Variants in GJB7 observed in about 807,000 individuals in gnomAD.
GJB7 encodes gap junction protein beta 7.
For synonymous variants in GJB7, 87 were observed against 95.2 expected (o/e 0.91, Z 0.50); for missense variants, 253 against 256.8 (o/e 0.99, Z 0.10).
intron 2 of GJB7, among the ~76,000 whole-genome samples, chr6:87,294,508 C>A (rs1776222077): frequency 6.6e-6 from 1 of 152,346 alleles, no homozygotes; most frequent in Non-Finnish European, 1.5e-5. Flanking sequence ...GAGGTATAAG[C>A]ACTATTATGC....
intron 2 of GJB7, among the ~76,000 whole-genome samples, chr6:87,319,053 C>T (rs951093135): frequency 2.6e-5 from 4 of 152,118 alleles, no homozygotes; most frequent in African/African-American, 9.7e-5. Flanking sequence ...ACTTTGGGAA[C>T]CCCAGATTAA....
intron 2 of GJB7, among the ~76,000 whole-genome samples, chr6:87,296,978 A>G (rs936887086): frequency 2.0e-5 from 3 of 152,236 alleles, no homozygotes; most frequent in Non-Finnish European, 4.4e-5. Context: ...GGCCCCTGTC[A>G]GGCCCTGGGA....
chr6:87,303,323 T>C (rs984654085), intron 2 of GJB7, among the ~76,000 whole-genome samples: 1 of 151,956 alleles, frequency 6.6e-6, no homozygotes, highest in Non-Finnish European at 1.5e-5. Context: ...AATAAAGGGA[T>C]GGAGGAAGAT....
At chr6:87,314,242 C>T (rs984118841) in intron 2 of GJB7, among the ~76,000 whole-genome samples, 1 of 152,098 alleles carries the variant, frequency 6.6e-6, no homozygotes, top group African/African-American at 2.4e-5. Context: ...TTTGCTTCTC[C>T]CTGGAAACTT....
At chr6:87,320,691 C>T (rs868098223) in intron 2 of GJB7, among the ~76,000 whole-genome samples, 2 of 152,094 alleles carry the variant, frequency 1.3e-5, no homozygotes, top group Non-Finnish European at 2.9e-5. Context: ...CTCAAAGCAG[C>T]GTGGGGGTGG....
At chr6:87,310,309 G>C (rs13198428) in intron 2 of GJB7, among the ~76,000 whole-genome samples, 70 of 152,084 alleles carry the variant, frequency 4.6e-4, no homozygotes, top group Non-Finnish European at 6.9e-4. Flanking sequence ...CTAATAAATT[G>C]AATTTCAGTG....
chr6:87,309,142 C>T (rs917290729), intron 2 of GJB7, among the ~76,000 whole-genome samples: 1 of 152,164 alleles, frequency 6.6e-6, no homozygotes, highest in Non-Finnish European at 1.5e-5. Flanking sequence ...CACGTTGTTG[C>T]TGTCACACTG....
At chr6:87,301,809 C>T (rs1030867396) in intron 2 of GJB7, among the ~76,000 whole-genome samples, 8 of 152,294 alleles carry the variant, frequency 5.3e-5, no homozygotes, top group African/African-American at 1.7e-4. Context: ...CTCACATGGC[C>T]GGGTACCCCT....
chr6:87,314,575 T>A (rs1197640712), intron 2 of GJB7, among the ~76,000 whole-genome samples: 1 of 152,186 alleles, frequency 6.6e-6, no homozygotes, highest in Admixed American at 6.5e-5. Flanking sequence ...TGTAGGCCCA[T>A]CCTGACCAGT....
rs1211893400 is a variant in GJB7, at chr6:87,283,252, G to C, written c.*989C>G. The C allele has an allele frequency of 6.6e-6, 1 of 152,130 alleles. No homozygotes were observed. The highest frequency in any genetic ancestry group is 1.5e-5 in the Non-Finnish European group (1 of 68,012). The allele number at this position is 152,130 out of a possible 1,614,324, so 9.4% of individuals were successfully genotyped here. A position where few individuals can be genotyped will look rare whatever the true frequency, so the allele number is the denominator to read the frequency against. ...ACATAGTGAATTCCTGATTATGAAA[G>C]GTTCAACAATATGAATATTTACAAA... On this transcript the variant is annotated 3_prime_UTR_variant, in exon 3 of 3. Coordinates refer to ENST00000525899, the MANE Select transcript of GJB7 (RefSeq NM_198568.3).
chr6:87,284,345 A>C lies in GJB7; in HGVS notation c.568T>G (p.Cys190Gly), dbSNP rs75865970. 1.2e-6 allele frequency: 2 copies of C among 1,614,052 alleles called. No individual in the cohort carries two copies. The highest frequency in any genetic ancestry group is 1.7e-5 in the Admixed American group (1 of 60,018). The change falls in exon 3 of 3, where the codon TGT (cysteine) becomes GGT (glycine). Residue 190 changes from cysteine to glycine, a missense_variant. Cys to Gly is a radical substitution (Grantham distance 159, BLOSUM62 -3). Transcript: ENST00000525899. ...AGTTCAATGAAATTCAACACAATAC[A>C]CAAGCATGAGGTGATGACCAAGAAG... is the stretch of plus-strand genomic sequence containing the variant. Reference protein sequence around the residue: ...ILFLVITSCLCIVLNFIELSF... With the variant: ...ILFLVITSCLGIVLNFIELSF...
chr6:87,299,528 C>A, intron 2 of GJB7: 1 of 292,860 alleles, frequency 3.4e-6, no homozygotes, highest in Non-Finnish European at 6.7e-6. Context: ...ACTGTACCTG[C>A]TCTTTAAATT....
At chr6:87,319,674 G>A (rs1001956181) in intron 2 of GJB7, among the ~76,000 whole-genome samples, 1 of 152,062 alleles carries the variant, frequency 6.6e-6, no homozygotes, top group African/African-American at 2.4e-5. Flanking sequence ...CTCAAGCCAG[G>A]TATATACCTA....
rs1012381308 is a variant in GJB7 at position 87,284,336 on chromosome 6, A to G, written c.577T>C (p.Leu193=). Residue 193 remains leucine (L), a synonymous_variant, in exon 3 of 3, where the codon TTG becomes CTG. Coordinates refer to ENST00000525899, the MANE Select transcript of GJB7 (RefSeq NM_198568.3). ...AAAAAACTCAGTTCAATGAAATTCA[A>G]CACAATACACAAGCATGAGGTGATG... is the stretch of plus-strand genomic sequence containing the variant. The part of the protein sequence containing the change: ...LVITSCLCIV[L]NFIELSFLVL... 5.6e-6 allele frequency: 9 copies of G among 1,614,102 alleles called. No homozygotes were observed. Among genetic ancestry groups the G allele is most frequent in the South Asian group, 1.1e-5 (1 of 91,074 alleles).
In GJB7 at chr6:87,314,700, C is replaced by T. The variant is rs182280215; in HGVS notation, c.-28+8166G>A. 3.4e-3 allele frequency among the ~76,000 whole-genome samples: 512 copies of T among 152,306 alleles called. 3 individuals carry two copies. The highest frequency in any genetic ancestry group is 0.017 in the Middle Eastern group (5 of 294). ...GCAATGCATTGGTTACTTCACTTCA[C>T]CATGGCACCCCACCTCCTTACTTAA... On this transcript the variant is annotated intron_variant, in intron 2 of 2. Transcript: ENST00000525899.
At chr6:87,287,249 G>C (rs1032250960) in intron 2 of GJB7, among the ~76,000 whole-genome samples, 9 of 152,302 alleles carry the variant, frequency 5.9e-5, no homozygotes, top group African/African-American at 2.2e-4. Flanking sequence ...TTCAGGTCCT[G>C]TTTCCTATAG....
intron 2 of GJB7, among the ~76,000 whole-genome samples, chr6:87,292,574 TGA>T (rs1405486193): frequency 2.0e-5 from 3 of 151,368 alleles, no homozygotes; most frequent in Non-Finnish European, 2.9e-5. Context: ...AAAAAACAGA[TGA>T]GAGAGAGAGA....
intron 1 of GJB7, among the ~76,000 whole-genome samples, chr6:87,328,532 C>T (rs1181475098): frequency 6.6e-6 from 1 of 151,698 alleles, no homozygotes; most frequent in African/African-American, 2.4e-5. Flanking sequence ...CAGTCTGCCC[C>T]TGCTGGAGGC....
rs142981251 is a variant in GJB7, at chr6:87,321,934, G to A, written c.-28+932C>T. Among the ~76,000 whole-genome samples, 515 of 152,226 alleles carry A rather than the reference G, an allele frequency of 3.4e-3. 1 individual carries two copies. Among genetic ancestry groups the A allele is most frequent in the African/African-American group, 0.012 (494 of 41,548 alleles). On this transcript the variant is annotated intron_variant, in intron 2 of 2. Coordinates refer to ENST00000525899, the MANE Select transcript of GJB7 (RefSeq NM_198568.3). ...GAACTCCATCATGGGAATGGCAAGG[G>A]GGAAGTCGGCCCCATGATTCAGTGA...
Sources: allele counts gnomAD v4.1 joint callset (sites outside exome capture counted in the v4.1 genomes callset), GRCh38; gene constraint gnomAD v4.1.1; transcripts MANE v1.5; gene names NCBI Gene and HGNC (gene_info 2026-07-23, HGNC 2026-07-21).